GHR: variants seen among roughly 807,000 people sequenced by gnomAD.
GHR encodes GH receptor.
Under a neutral mutation model 67.1 loss-of-function variants are expected in GHR, and 35 were observed. The observed-to-expected ratio is 0.52, with a 90% CI of 0.40 to 0.69. GHR has a LOEUF of 0.69. Ranked by LOEUF, GHR falls within the 30% of genes least tolerant of loss-of-function variation. The pLI is 0.00. For synonymous variants in GHR, 272 were observed against 269.1 expected, an observed-to-expected ratio of 1.01 and a Z score of -0.10; for missense variants, 792 against 764.6, an observed-to-expected ratio of 1.04 and a Z score of -0.42.
chr5:42,500,448 T>C (rs1001013444), intron 1 of GHR, among the ~76,000 whole-genome samples: 3 of 152,230 alleles, frequency 2.0e-5, no homozygotes, highest in South Asian at 4.1e-4. Flanking sequence ...TGAAGATAAA[T>C]ACTTGTACTT....
chr5:42,518,376 C>T (rs1747333452), intron 1 of GHR, among the ~76,000 whole-genome samples: 1 of 152,018 alleles, frequency 6.6e-6, no homozygotes, highest in East Asian at 1.9e-4. Flanking sequence ...GCTTAGGAAA[C>T]AGAGCCTTCT....
intron 1 of GHR, among the ~76,000 whole-genome samples, chr5:42,501,735 ACT>A (rs2112232797): frequency 6.6e-6 from 1 of 152,242 alleles, no homozygotes; most frequent in East Asian, 1.9e-4. Flanking sequence ...GAGAAACACT[ACT>A]CTAGACTAAG....
chr5:42,612,480 C>A (rs907111983), intron 2 of GHR, among the ~76,000 whole-genome samples: 4 of 152,008 alleles, frequency 2.6e-5, no homozygotes, highest in African/African-American at 9.7e-5. Context: ...TAGAATTTAA[C>A]TGTTGTTTTT....
intron 1 of GHR, chr5:42,468,728 A>G (rs1744855796): frequency 1.0e-6 from 1 of 994,656 alleles, no homozygotes; most frequent in African/African-American, 1.6e-5. Context: ...TTGGCCCCAG[A>G]GACGCCGCCC....
intron 1 of GHR, among the ~76,000 whole-genome samples, chr5:42,481,221 T>G (rs2112153019): frequency 6.6e-6 from 1 of 152,314 alleles, no homozygotes; most frequent in African/African-American, 2.4e-5. Flanking sequence ...TGGCCCCCAC[T>G]CTCTTCTGGC....
At chr5:42,451,034 G>A (rs2940931) in intron 1 of GHR, among the ~76,000 whole-genome samples, 26,403 of 152,094 alleles carry the variant, frequency 0.17, 2,539 homozygotes, top group Middle Eastern at 0.27. Flanking sequence ...ATTGAGACTC[G>A]TTTAGTGGCC....
Position 42,634,813 on chromosome 5 carries a change from G to A in GHR, c.136+5710G>A, listed in dbSNP as rs148077403. ...GGACATATCAGTTCAACTGCCAAGG[G>A]AATCATAAATAGTCCTACTCCTGCC... On this transcript the variant is annotated intron_variant, in intron 3 of 9. Transcript: ENST00000230882. Among the ~76,000 whole-genome samples, 311 of 152,180 alleles carry A rather than the reference G, an allele frequency of 2.0e-3. 2 individuals are homozygous for A. Among genetic ancestry groups the A allele is most frequent in the African/African-American group, 7.1e-3 (294 of 41,522 alleles).
At chr5:42,700,143 A>G in intron 6 of GHR, 141 bp downstream of exon 6, 1 of 667,086 alleles carries the variant, frequency 1.5e-6, no homozygotes, top group South Asian at 1.7e-5. Flanking sequence ...AGAAAACATT[A>G]TTTAACCGGT....
In GHR at chr5:42,688,946, T is replaced by C; in HGVS notation, c.193T>C (p.Ser65Pro). ...KCRSPERETF[S>P]CHWTDEVHHG... ...CCGTTCACCTGAGCGAGAGACTTTT[T>C]CATGCCACTGGACAGATGAGGTTCA... The change falls in exon 4 of 10, where the codon TCA (serine) becomes CCA (proline). Residue 65 changes from serine to proline, a missense_variant. Ser to Pro is a moderately conservative substitution (Grantham distance 74, BLOSUM62 -1). Transcript: ENST00000230882. 6.2e-7 allele frequency: 1 copy of C among 1,613,396 alleles called. No individual in the cohort carries two copies. The highest frequency in any genetic ancestry group is 2.2e-5 in the East Asian group (1 of 44,868).
chr5:42,654,338 G>T (rs1474496053), intron 3 of GHR, among the ~76,000 whole-genome samples: 1 of 152,104 alleles, frequency 6.6e-6, no homozygotes, highest in East Asian at 1.9e-4. Context: ...AACTGATTCT[G>T]TACCAATGCC....
chr5:42,690,831 A>T (rs1037948300), intron 4 of GHR, among the ~76,000 whole-genome samples: 3 of 152,192 alleles, frequency 2.0e-5, no homozygotes, highest in African/African-American at 7.2e-5. Context: ...AAATACATTC[A>T]GACATGAAGT....
At chr5:42,632,288 T>C (rs545639015) in intron 3 of GHR, among the ~76,000 whole-genome samples, 1 of 152,232 alleles carries the variant, frequency 6.6e-6, no homozygotes, top group Admixed American at 6.5e-5. Flanking sequence ...TAAATATAAA[T>C]CAGTCCTGCC....
At chr5:42,703,935 T>G (rs968203096) in intron 6 of GHR, among the ~76,000 whole-genome samples, 8 of 151,990 alleles carry the variant, frequency 5.3e-5, no homozygotes, top group Non-Finnish European at 1.2e-4. Context: ...TCTAGCAATT[T>G]TTTGTTGAAG....
At chr5:42,487,081 G>C (rs1745918388) in intron 1 of GHR, among the ~76,000 whole-genome samples, 1 of 152,166 alleles carries the variant, frequency 6.6e-6, no homozygotes, top group Non-Finnish European at 1.5e-5. Flanking sequence ...TTGTAGTTAA[G>C]CAGTTGGAGG....
chr5:42,561,448 G>A (rs908334529), intron 1 of GHR, among the ~76,000 whole-genome samples: 1 of 152,178 alleles, frequency 6.6e-6, no homozygotes, highest in African/African-American at 2.4e-5. Context: ...TTCTTTGCCT[G>A]GAGTTGGTTA....
intron 3 of GHR, among the ~76,000 whole-genome samples, chr5:42,643,035 T>G (rs1012475316): frequency 1.3e-5 from 2 of 152,174 alleles, no homozygotes; most frequent in African/African-American, 4.8e-5. Flanking sequence ...TAATTATATC[T>G]GTAAAGACCC....
intron 2 of GHR, among the ~76,000 whole-genome samples, chr5:42,574,611 G>C (rs767070695): frequency 6.6e-6 from 1 of 152,152 alleles, no homozygotes; most frequent in Non-Finnish European, 1.5e-5. Context: ...TCCCCAGTAT[G>C]ACCTGGCTAT....
chr5:42,430,356 A>G lies in GHR; in HGVS notation c.-12+6401A>G, dbSNP rs113366171. ...CACAGCATTGTCTTCCTGCACACAC[A>G]CACACATACACACACACAAAAACAT... On this transcript the variant is annotated intron_variant, in intron 1 of 9. Transcript: ENST00000230882. Among the ~76,000 whole-genome samples the G allele has an allele frequency of 2.1e-3, 327 of 152,242 alleles. 1 individual carries two copies. Among genetic ancestry groups the G allele is most frequent in the African/African-American group, 7.5e-3 (311 of 41,536 alleles).
At chr5:42,674,309 TAA>T (rs1338605647) in intron 3 of GHR, among the ~76,000 whole-genome samples, 2 of 152,230 alleles carry the variant, frequency 1.3e-5, no homozygotes, top group African/African-American at 2.4e-5. Context: ...ATTTTAGTGT[TAA>T]GTGTGATTTT....
Sources: allele counts gnomAD v4.1 joint callset (sites outside exome capture counted in the v4.1 genomes callset), GRCh38; gene constraint gnomAD v4.1.1; transcripts MANE v1.5; gene names NCBI Gene and HGNC (gene_info 2026-07-23, HGNC 2026-07-21).